ZNF33A: variants seen among roughly 807,000 people sequenced by gnomAD.
ZNF33A encodes the protein brain my041 protein.
A neutral mutation model predicts 15.9 loss-of-function variants in ZNF33A; 9 were observed. The ratio of observed to expected loss-of-function variants is 0.57; its 90% CI spans 0.34 to 0.99. ZNF33A has a LOEUF of 0.99. Among genes scored for constraint, ZNF33A ranks in the 50% least tolerant of loss-of-function variants. The pLI, the probability that ZNF33A is intolerant of heterozygous loss-of-function variation, is 0.02. For synonymous variants in ZNF33A, 294 were observed against 324.2 expected (o/e 0.91, Z 1.00); for missense variants, 843 against 941.6 (o/e 0.90, Z 1.37).
Position 38,010,677 on chromosome 10 carries a change from T to G in ZNF33A, c.-151T>G, listed in dbSNP as rs1233437239. On this transcript the variant is annotated 5_prime_UTR_variant, in exon 1 of 5. Coordinates refer to ENST00000432900, the MANE Select transcript of ZNF33A (RefSeq NM_006954.2). Reference sequence around the variant, plus strand: ...CCTCGTCCGCCGGCTACGTCTGCGTTTCCGCCTTTCCTTTTGTTTTTCTCA... The same window carrying G: ...CCTCGTCCGCCGGCTACGTCTGCGTGTCCGCCTTTCCTTTTGTTTTTCTCA... 1.3e-6 allele frequency: 2 copies of G among 1,588,866 alleles called. No homozygotes were observed. The highest frequency in any genetic ancestry group is 1.3e-5 in the African/African-American group (1 of 74,754).
At chr10:38,064,699 G>A (rs1243213971), downstream of ZNF33A, 1 of 152,100 alleles carries the variant, frequency 6.6e-6, no homozygotes, top group Non-Finnish European at 1.5e-5. Flanking sequence ...ACTTGTTTTT[G>A]TCTCACGCTC....
At chr10:38,063,238 T>A (rs543728732), downstream of ZNF33A, among the ~76,000 whole-genome samples, 26 of 152,166 alleles carry the variant, frequency 1.7e-4, no homozygotes, top group Admixed American at 1.6e-3. Context: ...CACAAATGAA[T>A]GAAGGAACTG....
At chr10:38,037,334 C>CTT (rs372716423) in intron 4 of ZNF33A, among the ~76,000 whole-genome samples, 1,642 of 147,802 alleles carry the variant, frequency 0.011, 24 homozygotes, top group African/African-American at 0.024. Context: ...TTTCTTTTTT[C>CTT]TTTTTTTTTT....
intron 4 of ZNF33A, among the ~76,000 whole-genome samples, chr10:38,036,785 G>A (rs2065472293): frequency 6.6e-6 from 1 of 152,174 alleles, no homozygotes. Context: ...GGGAAAGGAA[G>A]AAATAAAACT....
At position 38,056,395 on chromosome 10, in the gene ZNF33A, T is replaced by C. The variant is rs183828877; in HGVS notation, c.2271T>C (p.Thr757=). The C allele has an allele frequency of 1.2e-6, 2 of 1,614,066 alleles. No homozygotes were observed. Residue 757 remains threonine (T), a synonymous_variant, in exon 5 of 5, where the codon ACT becomes ACC. Coordinates refer to ENST00000432900, the MANE Select transcript of ZNF33A (RefSeq NM_006954.2). ...ATGAATGTAACACATGCAGGAAAAC[T>C]TTCTCTCAAAAGTCAAATCTCATTG... The part of the protein sequence containing the change: ...KPYECNTCRK[T]FSQKSNLIVH...
At chr10:38,019,539 G>A (rs2064641910) in intron 4 of ZNF33A, among the ~76,000 whole-genome samples, 1 of 152,164 alleles carries the variant, frequency 6.6e-6, no homozygotes. Flanking sequence ...GAATGACTGT[G>A]GGTTTCTCTT....
rs375045526 is a variant in ZNF33A at position 38,047,603 on chromosome 10, C to T, written c.251-6772C>T. On this transcript the variant is annotated intron_variant, in intron 4 of 4. Coordinates refer to ENST00000432900, the MANE Select transcript of ZNF33A (RefSeq NM_006954.2). The stretch of plus-strand genomic sequence containing the variant: ...ATTGCACCACTGCACTCCAGCCTGG[C>T]GATAGAGCAAGACTCTGTCTCAAAA... 2.0e-4 allele frequency among the ~76,000 whole-genome samples: 25 copies of T among 123,688 alleles called. No individual in the cohort carries two copies. In the East Asian group the frequency reaches 6.4e-3, roughly 32 times the overall value. 81.1% of individuals were successfully genotyped at this position (123,688 alleles called of 152,430 possible).
At chr10:38,023,299 A>G (rs1294114946) in intron 4 of ZNF33A, among the ~76,000 whole-genome samples, 2 of 152,234 alleles carry the variant, frequency 1.3e-5, no homozygotes, top group Non-Finnish European at 2.9e-5. Flanking sequence ...AAAATCATAC[A>G]GACAGTACAA....
chr10:38,050,250 ACT>A (rs1015608411), intron 4 of ZNF33A, among the ~76,000 whole-genome samples: 5 of 152,100 alleles, frequency 3.3e-5, no homozygotes, highest in Admixed American at 6.6e-5. Context: ...AAATTCAAAA[ACT>A]CTAGGGATTG....
intron 4 of ZNF33A, among the ~76,000 whole-genome samples, chr10:38,052,190 A>G (rs2066239102): frequency 6.6e-6 from 1 of 152,248 alleles, no homozygotes; most frequent in Middle Eastern, 3.4e-3. Context: ...ACAAAAGATA[A>G]TATTATCTAT....
Position 38,018,152 on chromosome 10 carries a change from C to T in ZNF33A, c.250+766C>T, listed in dbSNP as rs118079565. On this transcript the variant is annotated intron_variant, in intron 4 of 4. Transcript: ENST00000432900. ...ATGCCTCTAAGTATATTATGTATACCTATATGTATATGTATATTAAATGTT... is the reference window on the plus strand; with the variant it reads ...ATGCCTCTAAGTATATTATGTATACTTATATGTATATGTATATTAAATGTT... Among the ~76,000 whole-genome samples, 493 of 152,070 alleles carry T rather than the reference C, an allele frequency of 3.2e-3. 10 individuals are homozygous for T. In the East Asian group the frequency reaches 0.05, roughly 15 times the overall value.
intron 4 of ZNF33A, among the ~76,000 whole-genome samples, chr10:38,050,683 A>T (rs58897073): frequency 0.04 from 6,077 of 152,240 alleles, 382 homozygotes; most frequent in African/African-American, 0.14. Context: ...CAGCAAACTC[A>T]CAAACAGTTG....
At chr10:38,048,639 G>A (rs370691380) in intron 4 of ZNF33A, among the ~76,000 whole-genome samples, 1 of 152,142 alleles carries the variant, frequency 6.6e-6, no homozygotes, top group Non-Finnish European at 1.5e-5. Context: ...TGATGTGACA[G>A]CCAGATGAAA....
chr10:38,040,438 T>A (rs1169557763), intron 4 of ZNF33A, among the ~76,000 whole-genome samples: 1 of 152,198 alleles, frequency 6.6e-6, no homozygotes. Flanking sequence ...ATTTTTTTCT[T>A]TTAATTCTGT....
chr10:38,019,649 GA>G (rs962443288), intron 4 of ZNF33A, among the ~76,000 whole-genome samples: 1 of 152,146 alleles, frequency 6.6e-6, no homozygotes, highest in African/African-American at 2.4e-5. Flanking sequence ...CTATCTTCAT[GA>G]ATAAAGGGGA....
chr10:38,041,425 A>C lies in ZNF33A; in HGVS notation c.251-12950A>C, dbSNP rs572557649. ...TGGTTGCTCTAGAACTTACCTAATAAGTCTTGCCTTATCAAAATCTACTTC... is the reference window on the plus strand; with the variant it reads ...TGGTTGCTCTAGAACTTACCTAATACGTCTTGCCTTATCAAAATCTACTTC... On this transcript the variant is annotated intron_variant, in intron 4 of 4. Transcript: ENST00000432900. Among the ~76,000 whole-genome samples the C allele has an allele frequency of 2.0e-4, 30 of 152,214 alleles. No homozygotes were observed. The East Asian group carries it at 5.8e-3, about 29-fold the overall frequency.
In ZNF33A at chr10:38,059,373, A is replaced by T. The variant is rs2066609680; in HGVS notation, c.*2813A>T. 6.6e-6 allele frequency: 1 copy of T among 152,248 alleles called. No homozygotes were observed. The highest frequency in any genetic ancestry group is 6.5e-5 in the Admixed American group (1 of 15,286). The allele number at this position is 152,248 out of a possible 1,614,324, so 9.4% of individuals were successfully genotyped here. On this transcript the variant is annotated 3_prime_UTR_variant, in exon 5 of 5. Transcript: ENST00000432900. The stretch of plus-strand genomic sequence containing the variant: ...TGCTATATAATGCAGTGTTAAAAAA[A>T]AAAGAAATAAAATGCACATAGATTT...
downstream of ZNF33A, among the ~76,000 whole-genome samples, chr10:38,061,566 C>A (rs569402818): frequency 6.6e-6 from 1 of 152,076 alleles, no homozygotes; most frequent in Admixed American, 6.5e-5. Context: ...GGGCCACAGA[C>A]TACATGACCT....
intron 4 of ZNF33A, among the ~76,000 whole-genome samples, chr10:38,045,973 G>A (rs1404034403): frequency 6.6e-6 from 1 of 152,162 alleles, no homozygotes; most frequent in Non-Finnish European, 1.5e-5. Flanking sequence ...TATGATCAGG[G>A]ATCTGGGTTG....
Sources: allele counts gnomAD v4.1 joint callset (sites outside exome capture counted in the v4.1 genomes callset), GRCh38; gene constraint gnomAD v4.1.1; transcripts MANE v1.5; gene names NCBI Gene and HGNC (gene_info 2026-07-23, HGNC 2026-07-21).